The following LRRC7 variants were observed in gnomAD, a reference collection of about 807,000 sequenced individuals.
The protein encoded by LRRC7 is leucine-rich repeat-containing protein 7.
LRRC7 carries 23 observed loss-of-function variants against 175.7 expected under a neutral mutation model. The ratio of observed to expected loss-of-function variants is 0.13; its 90% CI spans 0.09 to 0.19. The LOEUF is 0.19. Among genes scored for constraint, LRRC7 ranks in the 10% least tolerant of loss-of-function variants. The pLI, the probability that LRRC7 is intolerant of heterozygous loss-of-function variation, is 1.00. For synonymous variants in LRRC7, 685 were observed against 680.9 expected (o/e 1.01, Z -0.09); for missense variants, 1,354 against 1,904.7 (o/e 0.71, Z 5.38).
rs1164726883 is a variant in LRRC7 at position 69,916,225 on chromosome 1, A to G, written c.648-15282A>G. ...ATAAAAATAAAATTTTATTATGTAT[A>G]ATATAAATATATTTTATATAAAATA... is the stretch of plus-strand genomic sequence containing the variant. On this transcript the variant is annotated intron_variant, in intron 7 of 26. Transcript: ENST00000651989. Among the ~76,000 whole-genome samples, 3 of 85,716 alleles carry G rather than the reference A, an allele frequency of 3.5e-5. No homozygotes were observed. In the South Asian group the frequency reaches 1.1e-3, roughly 31 times the overall value. The allele number at this position is 85,716 out of a possible 152,430, so 56.2% of individuals were successfully genotyped here.
chr1:69,724,934 T>C (rs1408709533), intron 2 of LRRC7, among the ~76,000 whole-genome samples: 1 of 152,152 alleles, frequency 6.6e-6, no homozygotes, highest in Non-Finnish European at 1.5e-5. Flanking sequence ...CTTATACTAT[T>C]ACAAATACAG....
intron 1 of LRRC7, among the ~76,000 whole-genome samples, chr1:69,596,828 G>T (rs1646864523): frequency 1.3e-5 from 2 of 152,332 alleles, no homozygotes; most frequent in African/African-American, 4.8e-5. Context: ...ATTGTGCAGT[G>T]TGTGGTTATA....
intron 1 of LRRC7, among the ~76,000 whole-genome samples, chr1:69,579,196 C>CA (rs1234836039): frequency 2.0e-5 from 3 of 151,744 alleles, no homozygotes; most frequent in Non-Finnish European, 2.9e-5. Context: ...AGGGAGGTAA[C>CA]AAAAAAACCC....
chr1:70,093,264 C>A (rs976925595), intron 25 of LRRC7, among the ~76,000 whole-genome samples: 4 of 152,074 alleles, frequency 2.6e-5, no homozygotes, highest in Admixed American at 2.6e-4. Context: ...AAAATAATGG[C>A]CTTTTATTGA....
In LRRC7 at chr1:70,011,829, G is replaced by T. The variant is rs767519419; in HGVS notation, c.1037G>T (p.Cys346Phe). Residue 346 changes from cysteine to phenylalanine, a missense_variant, in exon 12 of 27, where the codon TGT becomes TTT. Cys to Phe is a radical substitution (Grantham distance 205). This residue lies in a region of LRRC7 where 201 missense variants were observed against 481.4 expected (regional missense o/e 0.42). Coordinates refer to ENST00000651989, the MANE Select transcript of LRRC7 (RefSeq NM_001370785.2). ...LSLLEEFDCS[C>F]NELESLPSTI... ...TTATTAGAAGAATTTGACTGTAGCT[G>T]TAATGAACTGGAGTCACTACCTTCT... is the stretch of plus-strand genomic sequence containing the variant. 6.4e-7 allele frequency: 1 copy of T among 1,568,552 alleles called. No individual in the cohort carries two copies. The highest frequency in any genetic ancestry group is 2.3e-5 in the East Asian group (1 of 44,386).
At chr1:69,729,799 ACT>A (rs753054027) in intron 2 of LRRC7, among the ~76,000 whole-genome samples, 1 of 152,006 alleles carries the variant, frequency 6.6e-6, no homozygotes, top group Non-Finnish European at 1.5e-5. Flanking sequence ...CCCAGCAGAG[ACT>A]CTGTGTGGGG....
intron 25 of LRRC7, among the ~76,000 whole-genome samples, chr1:70,100,150 CAT>C (rs1198456119): frequency 1.3e-5 from 2 of 152,030 alleles, no homozygotes; most frequent in East Asian, 3.9e-4. Context: ...AAAGTTAAAA[CAT>C]ATAAAGTAAC....
intron 24 of LRRC7, among the ~76,000 whole-genome samples, chr1:70,078,881 A>G (rs868378021): frequency 6.6e-6 from 1 of 152,158 alleles, no homozygotes. Flanking sequence ...CTGAGGGTAT[A>G]GAAACAGAAA....
intron 23 of LRRC7, among the ~76,000 whole-genome samples, chr1:70,065,050 C>G (rs752476547): frequency 2.6e-5 from 4 of 151,856 alleles, no homozygotes; most frequent in Non-Finnish European, 4.4e-5. Flanking sequence ...ATGCTGTCAC[C>G]GTTTTCCACA....
At chr1:69,862,721 G>A (rs986993762) in intron 7 of LRRC7, among the ~76,000 whole-genome samples, 2 of 151,892 alleles carry the variant, frequency 1.3e-5, no homozygotes, top group Non-Finnish European at 2.9e-5. Context: ...TTATATTTTA[G>A]TTCTGGGGTA....
chr1:69,794,477 C>G (rs758354617), intron 4 of LRRC7, among the ~76,000 whole-genome samples: 14 of 152,256 alleles, frequency 9.2e-5, no homozygotes, highest in Non-Finnish European at 1.6e-4. Flanking sequence ...CTTAGGGCTA[C>G]CATGCTTTGA....
At chr1:69,935,041 C>G (rs1219151368) in intron 8 of LRRC7, among the ~76,000 whole-genome samples, 2 of 152,132 alleles carry the variant, frequency 1.3e-5, no homozygotes, top group African/African-American at 4.8e-5. Context: ...AGGAGACTAA[C>G]AAACTGAGTG....
chr1:69,627,992 T>C (rs1341775), intron 1 of LRRC7, among the ~76,000 whole-genome samples: 8,552 of 152,136 alleles, frequency 0.056, 370 homozygotes, highest in East Asian at 0.2. Context: ...ATTTGGTATA[T>C]GCCTCTTTTC....
intron 7 of LRRC7, among the ~76,000 whole-genome samples, chr1:69,917,378 C>T (rs1646752458): frequency 6.6e-6 from 1 of 152,132 alleles, no homozygotes; most frequent in South Asian, 2.1e-4. Context: ...GCCACCAGTG[C>T]TTACTTTCAT....
intron 1 of LRRC7, among the ~76,000 whole-genome samples, chr1:69,587,898 A>G (rs1328696528): frequency 6.6e-6 from 1 of 152,104 alleles, no homozygotes; most frequent in East Asian, 1.9e-4. Flanking sequence ...CCTTTTCTTT[A>G]TAAATTACCC....
At chr1:69,655,078 C>A (rs1656410798) in intron 1 of LRRC7, among the ~76,000 whole-genome samples, 1 of 151,982 alleles carries the variant, frequency 6.6e-6, no homozygotes, top group Non-Finnish European at 1.5e-5. Context: ...ATCCCTGGAG[C>A]AAGTTAGGCA....
intron 1 of LRRC7, among the ~76,000 whole-genome samples, chr1:69,672,668 C>G (rs1251788326): frequency 1.3e-5 from 2 of 152,182 alleles, no homozygotes; most frequent in African/African-American, 2.4e-5. Flanking sequence ...CAATCATTCT[C>G]CTATGTCCTC....
At chr1:69,768,890 T>C (rs542029373) in intron 3 of LRRC7, among the ~76,000 whole-genome samples, 98 of 152,300 alleles carry the variant, frequency 6.4e-4, no homozygotes, top group African/African-American at 2.2e-3. Context: ...TAATGTTTGC[T>C]CAAATAAAGG....
intron 7 of LRRC7, chr1:69,919,842 G>A (rs1646830860): frequency 4.2e-6 from 3 of 706,056 alleles, no homozygotes; most frequent in Non-Finnish European, 7.3e-6. Flanking sequence ...ACGGAGTGAG[G>A]ATTGGGGGCC....
Sources: allele counts gnomAD v4.1 joint callset (sites outside exome capture counted in the v4.1 genomes callset), GRCh38; gene constraint gnomAD v4.1.1; regional missense constraint gnomAD v4.1.1; transcripts MANE v1.5; gene names NCBI Gene and HGNC (gene_info 2026-07-23, HGNC 2026-07-21).